Variants in CNOT4 observed in about 807,000 individuals in gnomAD.
The protein encoded by CNOT4 is CCR4-NOT transcription complex subunit 4, also known as CCR4-associated factor 4.
In CNOT4, 8 loss-of-function variants were observed where a neutral mutation model predicts 73.8. The ratio of observed to expected loss-of-function variants is 0.11; its 90% CI spans 0.06 to 0.20. CNOT4 has a LOEUF of 0.20. Ranked by LOEUF, CNOT4 falls within the 10% of genes least tolerant of loss-of-function variation. The probability of loss-of-function intolerance (pLI) is 1.00; values close to 1 mark genes in which losing one functional copy is unlikely to be tolerated. For synonymous variants in CNOT4, 293 were observed against 321.1 expected, an observed-to-expected ratio of 0.91 and a Z score of 0.94; for missense variants, 564 against 883.4, an observed-to-expected ratio of 0.64 and a Z score of 4.58.
chr7:135,376,658 C>G (rs1795535852), intron 10 of CNOT4, among the ~76,000 whole-genome samples: 1 of 152,160 alleles, frequency 6.6e-6, no homozygotes, highest in South Asian at 2.1e-4. Flanking sequence ...TTATTTAAAA[C>G]ATCAAACCCA....
intron 10 of CNOT4, chr7:135,384,698 GTC>G (rs1247501072): frequency 1.3e-6 from 1 of 765,250 alleles, no homozygotes; most frequent in Non-Finnish European, 2.4e-6. Context: ...AGCACTGCCA[GTC>G]TCTTCCTCTC....
Position 135,364,145 on chromosome 7 carries a change from G to T in CNOT4, c.1628-79C>A. 1.0e-6 allele frequency: 1 copy of T among 1,001,124 alleles called. No individual in the cohort carries two copies. Among genetic ancestry groups the T allele is most frequent in the Non-Finnish European group, 1.5e-6 (1 of 675,010 alleles). The allele number at this position is 1,001,124 out of a possible 1,614,324, so 62.0% of individuals were successfully genotyped here. On this transcript the variant is annotated intron_variant, in intron 10 of 11. Coordinates refer to ENST00000541284, the MANE Select transcript of CNOT4 (RefSeq NM_001190850.2). This position sits in a 1 kb window ranked among gnomAD's most constrained non-coding sequence, Gnocchi z 4.3. ...TTAGAAACATATGTTGTTCTTTAGT[G>T]GTTAAGCGGGAGAAGAATTATTCTT...
intron 7 of CNOT4, among the ~76,000 whole-genome samples, chr7:135,405,640 C>T (rs1198972910): frequency 2.0e-5 from 3 of 152,158 alleles, no homozygotes; most frequent in Non-Finnish European, 4.4e-5. Flanking sequence ...GATATACTCT[C>T]GAATTCATAA....
rs527964869 is a variant in CNOT4 at position 135,418,270 on chromosome 7, C to A, written c.373-3008G>T. The stretch of plus-strand genomic sequence containing the variant: ...CTCTAGATTCTGCCTAAACAACTAG[C>A]AAAATAGTATTCTAGTGAACTAACA... On this transcript the variant is annotated intron_variant, in intron 3 of 11. Transcript: ENST00000541284. 7.2e-5 allele frequency among the ~76,000 whole-genome samples: 11 copies of A among 152,266 alleles called. No homozygotes were observed. The South Asian group carries it at 2.1e-3, about 29-fold the overall frequency.
chr7:135,370,599 T>C (rs1279703485), intron 10 of CNOT4, among the ~76,000 whole-genome samples: 3 of 152,216 alleles, frequency 2.0e-5, no homozygotes, highest in Non-Finnish European at 2.9e-5. Flanking sequence ...CTGAAAAGCC[T>C]GATGGGGACA....
At chr7:135,457,439 T>C (rs1800611393) in intron 1 of CNOT4, among the ~76,000 whole-genome samples, 1 of 152,078 alleles carries the variant, frequency 6.6e-6, no homozygotes, top group Non-Finnish European at 1.5e-5. Flanking sequence ...TTCTCTATGA[T>C]ACACAGTATC....
chr7:135,379,889 C>T (rs1244645381), intron 10 of CNOT4, among the ~76,000 whole-genome samples: 2 of 152,192 alleles, frequency 1.3e-5, no homozygotes, highest in Admixed American at 6.5e-5. Context: ...TAGATCACTA[C>T]TTTCTGTTCC....
At chr7:135,366,333 C>T (rs1342434078) in intron 10 of CNOT4, among the ~76,000 whole-genome samples, 1 of 152,106 alleles carries the variant, frequency 6.6e-6, no homozygotes, top group Non-Finnish European at 1.5e-5. Flanking sequence ...AGTCAAAAGA[C>T]AATAAAGGCA....
At chr7:135,426,431 T>C (rs1798501175) in intron 2 of CNOT4, among the ~76,000 whole-genome samples, 1 of 151,240 alleles carries the variant, frequency 6.6e-6, no homozygotes, top group African/African-American at 2.4e-5. Flanking sequence ...TGAAACCCCA[T>C]CTCTACTAAA....
At chr7:135,410,289 A>C (rs1220786757) in intron 7 of CNOT4, among the ~76,000 whole-genome samples, 1 of 152,176 alleles carries the variant, frequency 6.6e-6, no homozygotes, top group African/African-American at 2.4e-5. Flanking sequence ...AAATCACCAC[A>C]AAAGGTGAAC....
chr7:135,396,579 T>C lies in CNOT4; in HGVS notation c.880-696A>G, dbSNP rs17168421. ...GATTGGTGATAAGAGAGAAACTGACTGTAATGGCTAGATTATTAAAGAAAG... is the reference window on the plus strand; with the variant it reads ...GATTGGTGATAAGAGAGAAACTGACCGTAATGGCTAGATTATTAAAGAAAG... On this transcript the variant is annotated intron_variant, in intron 8 of 11. Transcript: ENST00000541284. Among the ~76,000 whole-genome samples, 714 of 152,310 alleles carry C rather than the reference T, an allele frequency of 4.7e-3. 6 individuals are homozygous for C. Among genetic ancestry groups the C allele is most frequent in the African/African-American group, 0.016 (672 of 41,572 alleles).
At chr7:135,447,500 A>G (rs1481907912) in intron 1 of CNOT4, among the ~76,000 whole-genome samples, 3 of 152,148 alleles carry the variant, frequency 2.0e-5, no homozygotes, top group East Asian at 1.9e-4. Context: ...AAAAAAATCA[A>G]CTATGTAGGG....
At chr7:135,378,518 G>GAA (rs34652888) in intron 10 of CNOT4, among the ~76,000 whole-genome samples, 20 of 145,236 alleles carry the variant, frequency 1.4e-4, no homozygotes, top group African/African-American at 3.3e-4. Flanking sequence ...TAGAGAGAAG[G>GAA]AAAAAAAAAA....
At chr7:135,429,218 G>T (rs1798681234) in intron 2 of CNOT4, among the ~76,000 whole-genome samples, 1 of 152,050 alleles carries the variant, frequency 6.6e-6, no homozygotes, top group Non-Finnish European at 1.5e-5. Flanking sequence ...GTTTGATCTT[G>T]AATTTCATTA....
At chr7:135,447,053 C>T (rs1398335513) in intron 1 of CNOT4, among the ~76,000 whole-genome samples, 1 of 144,042 alleles carries the variant, frequency 6.9e-6, no homozygotes, top group African/African-American at 2.5e-5. Flanking sequence ...GCAGCTACAA[C>T]ATGGCTTCCA....
chr7:135,375,602 G>GT (rs1795470629), intron 10 of CNOT4, among the ~76,000 whole-genome samples: 1 of 152,152 alleles, frequency 6.6e-6, no homozygotes, highest in Non-Finnish European at 1.5e-5. Context: ...GACTCGCCTG[G>GT]TAAGAAAAAT....
rs1794798576 is a variant in CNOT4, at chr7:135,364,299, T to C, written c.1628-233A>G. 6.6e-6 allele frequency among the ~76,000 whole-genome samples: 1 copy of C among 152,178 alleles called. No homozygotes were observed. The highest frequency in any genetic ancestry group is 1.5e-5 in the Non-Finnish European group (1 of 68,014). ...ATCAGGAGAGGGAGGTTCTTGTCTC[T>C]CTATAGCCTCTTCACCATTATGGGT... On this transcript the variant is annotated intron_variant, in intron 10 of 11. Transcript: ENST00000541284. This position sits in a 1 kb window ranked among gnomAD's most constrained non-coding sequence, Gnocchi z 4.3.
chr7:135,427,488 C>T (rs1383520072), intron 2 of CNOT4, among the ~76,000 whole-genome samples: 1 of 152,148 alleles, frequency 6.6e-6, no homozygotes, highest in East Asian at 1.9e-4. Flanking sequence ...ACAGCTTTAG[C>T]TTTTCTGCTG....
chr7:135,444,684 G>A (rs927224106), intron 1 of CNOT4: 64 of 1,190,302 alleles, frequency 5.4e-5, no homozygotes, highest in Non-Finnish European at 7.2e-5. Flanking sequence ...TTTGCTCCTG[G>A]GTCTGCTTCC....
Sources: allele counts gnomAD v4.1 joint callset (sites outside exome capture counted in the v4.1 genomes callset), GRCh38; gene constraint gnomAD v4.1.1; non-coding constraint Gnocchi (gnomAD v3.1); transcripts MANE v1.5; gene names NCBI Gene and HGNC (gene_info 2026-07-23, HGNC 2026-07-21).